Variants in NEMF observed in about 807,000 individuals in gnomAD.
NEMF encodes the protein nuclear export mediator factor.
In NEMF, 89 loss-of-function variants were observed where a neutral mutation model predicts 162.2. The ratio of observed to expected loss-of-function variants is 0.55; its 90% confidence interval spans 0.46 to 0.65. The LOEUF is 0.65. Ranked by LOEUF, NEMF falls within the 30% of genes least tolerant of loss-of-function variation. The pLI, the probability that NEMF is intolerant of heterozygous loss-of-function variation, is 0.00. For missense variants in NEMF, 1,133 were observed against 1,261.9 expected (o/e 0.90, Z 1.55); for synonymous variants, 421 against 404.5 (o/e 1.04, Z -0.49).
In NEMF at chr14:49,844,770, T is replaced by TA. The variant is rs201423783; in HGVS notation, c.357+1369_357+1370insT. ...ACACACACACACACACACACATATA[T>TA]TTTTTTTTTCCTTTTTGAGACTGAA... On this transcript the variant is annotated intron_variant, in intron 4 of 32. Transcript: ENST00000298310. The TA allele has an allele frequency of 2.3e-3, 816 of 354,828 alleles. 11 individuals carry two copies. The highest frequency in any genetic ancestry group is 0.02 in the African/African-American group (735 of 37,494). 22.0% of individuals were successfully genotyped at this position (354,828 alleles called of 1,614,324 possible).
In NEMF at chr14:49,831,435, A is replaced by C. The variant is rs201269408; in HGVS notation, c.883-74T>G. On this transcript the variant is annotated intron_variant, in intron 10 of 32. Coordinates refer to ENST00000298310, the MANE Select transcript of NEMF (RefSeq NM_004713.6). ...CTTCAACTTGCATACACAGAATTTT[A>C]TTTTTTTTTTCTTTTTTTTTGAGAC... 5,045 of 771,036 alleles carry C rather than the reference A, an allele frequency of 6.5e-3. 193 individuals carry two copies. In the African/African-American group the frequency reaches 0.078, roughly 12 times the overall value. The allele number at this position is 771,036 out of a possible 1,614,324, so 47.8% of individuals were successfully genotyped here.
chr14:49,782,455 G>C lies in NEMF; in HGVS notation c.*2181C>G. ...CAACAACTTGCTTGTCCATCACAGAGCTGTAAGTATACTACCTTCACATTA... is the reference window on the plus strand; with the variant it reads ...CAACAACTTGCTTGTCCATCACAGACCTGTAAGTATACTACCTTCACATTA... On this transcript the variant is annotated 3_prime_UTR_variant, in exon 33 of 33. Coordinates refer to ENST00000298310, the MANE Select transcript of NEMF (RefSeq NM_004713.6). The C allele has an allele frequency of 6.2e-7, 1 of 1,610,400 alleles. No homozygotes were observed. Among genetic ancestry groups the C allele is most frequent in the Non-Finnish European group, 8.5e-7 (1 of 1,177,026 alleles).
chr14:49,790,243 A>G (rs903847469), intron 26 of NEMF, among the ~76,000 whole-genome samples: 3 of 152,226 alleles, frequency 2.0e-5, no homozygotes, highest in African/African-American at 7.2e-5. Context: ...AGACTATTAA[A>G]AAGTGAAAAA....
chr14:49,798,709 T>C (rs990692170), intron 25 of NEMF, among the ~76,000 whole-genome samples: 43 of 152,022 alleles, frequency 2.8e-4, no homozygotes, highest in Middle Eastern at 6.3e-3. Context: ...AGATCGAGAC[T>C]ATCCTGGCTA....
In NEMF at chr14:49,851,554, C is replaced by T; in HGVS notation, c.231+9G>A. On this transcript the variant is annotated intron_variant, in intron 3 of 32. Coordinates refer to ENST00000298310, the MANE Select transcript of NEMF (RefSeq NM_004713.6). ...TCTTAAAATTTAGCTTCAAGCGTAACAAGTTTACCTTCATGGCAAAACTAG... is the reference window on the plus strand; with the variant it reads ...TCTTAAAATTTAGCTTCAAGCGTAATAAGTTTACCTTCATGGCAAAACTAG... 9 of 1,594,744 alleles carry T rather than the reference C, an allele frequency of 5.6e-6. No homozygotes were observed. Among genetic ancestry groups the T allele is most frequent in the Non-Finnish European group, 7.7e-6 (9 of 1,163,638 alleles).
At chr14:49,786,343 C>T (rs1890177766) in intron 29 of NEMF, 2 of 178,956 alleles carry the variant, frequency 1.1e-5, no homozygotes, top group Non-Finnish European at 1.2e-5. Flanking sequence ...GAGATTGCCC[C>T]CATTTATTTT....
At chr14:49,809,588 C>T (rs1891376070) in intron 18 of NEMF, among the ~76,000 whole-genome samples, 1 of 152,168 alleles carries the variant, frequency 6.6e-6, no homozygotes. Context: ...CCTGGCTGGG[C>T]TTGGTGACTC....
chr14:49,810,431 C>T (rs937833531), intron 18 of NEMF, among the ~76,000 whole-genome samples: 6 of 152,142 alleles, frequency 3.9e-5, no homozygotes, highest in African/African-American at 1.4e-4. Context: ...CCCCATTGGT[C>T]TTGGCACCCC....
At chr14:49,836,036 T>C (rs1233617076) in intron 6 of NEMF, among the ~76,000 whole-genome samples, 1 of 152,192 alleles carries the variant, frequency 6.6e-6, no homozygotes, top group Non-Finnish European at 1.5e-5. Flanking sequence ...ACAGACTTAA[T>C]GTAATCCTTA....
chr14:49,842,849 T>C (rs1483175608), intron 4 of NEMF, among the ~76,000 whole-genome samples: 4 of 151,044 alleles, frequency 2.6e-5, no homozygotes, highest in South Asian at 2.1e-4. Flanking sequence ...TTACTAAGAG[T>C]ACAAAAACTA....
chr14:49,805,928 G>A (rs1891166623), intron 19 of NEMF, 93 bp downstream of exon 19: 2 of 669,802 alleles, frequency 3.0e-6, no homozygotes, highest in African/African-American at 1.8e-5. Flanking sequence ...TAGCTCTATT[G>A]AGCCTTGTCT....
chr14:49,826,921 T>C (rs1290646274), intron 15 of NEMF, among the ~76,000 whole-genome samples: 1 of 152,110 alleles, frequency 6.6e-6, no homozygotes, highest in African/African-American at 2.4e-5. Context: ...TAAGTGGATA[T>C]GTAAATGAAG....
Position 49,815,896 on chromosome 14 carries a change from G to A in NEMF, c.1578-1039C>T, listed in dbSNP as rs762675650. ...AAAGAATGGGGTGAACCTGGGAGGCGGAGCTTGCAGTGAGCTGAGATGGCA... is the reference window on the plus strand; with the variant it reads ...AAAGAATGGGGTGAACCTGGGAGGCAGAGCTTGCAGTGAGCTGAGATGGCA... On this transcript the variant is annotated intron_variant, in intron 16 of 32. Coordinates refer to ENST00000298310, the MANE Select transcript of NEMF (RefSeq NM_004713.6). 2.6e-4 allele frequency among the ~76,000 whole-genome samples: 40 copies of A among 152,138 alleles called. 1 individual carries two copies. The highest frequency in any genetic ancestry group is 5.1e-4 in the African/African-American group (21 of 41,508).
At chr14:49,804,406 A>G (rs11157708) in intron 19 of NEMF, among the ~76,000 whole-genome samples, 151,636 of 152,214 alleles carry the variant, frequency 1, 75,533 homozygotes, top group Middle Eastern at 1. Flanking sequence ...GGCCAGGTAC[A>G]GTGGCTCACA....
intron 26 of NEMF, among the ~76,000 whole-genome samples, chr14:49,790,009 A>T (rs1890365517): frequency 6.6e-6 from 1 of 152,178 alleles, no homozygotes; most frequent in African/African-American, 2.4e-5. Context: ...TAAATAAACC[A>T]ATGATTCTTT....
intron 26 of NEMF, among the ~76,000 whole-genome samples, chr14:49,794,333 A>G (rs1269732761): frequency 3.3e-5 from 5 of 152,234 alleles, no homozygotes; most frequent in Non-Finnish European, 5.9e-5. Flanking sequence ...AGGGGAATTT[A>G]TATTTTTATT....
chr14:49,827,655 C>T (rs1892425304), intron 15 of NEMF, among the ~76,000 whole-genome samples: 1 of 151,926 alleles, frequency 6.6e-6, no homozygotes, highest in Non-Finnish European at 1.5e-5. Flanking sequence ...TCTACTAAAA[C>T]TACAAAAATT....
intron 10 of NEMF, 74 bp from the exon 11 acceptor site, chr14:49,831,435 A>T (rs201269408): frequency 6.5e-6 from 5 of 770,948 alleles, no homozygotes; most frequent in African/African-American, 5.3e-5. Context: ...ACAGAATTTT[A>T]TTTTTTTTTT....
chr14:49,826,580 T>C (rs1051111209), intron 15 of NEMF, among the ~76,000 whole-genome samples: 5 of 140,014 alleles, frequency 3.6e-5, no homozygotes, highest in Non-Finnish European at 7.6e-5. Context: ...GTACAGCAAG[T>C]AGTAATCAAG....
Sources: gnomAD v4.1 joint callset for allele counts (sites outside exome capture counted in the v4.1 genomes callset) on GRCh38, gnomAD v4.1.1 for gene constraint, MANE v1.5 for transcripts, NCBI Gene and HGNC (gene_info 2026-07-23, HGNC 2026-07-21) for gene names.